The following FOXP1 variants were observed in gnomAD, a reference collection of about 807,000 sequenced individuals.
FOXP1 encodes forkhead box protein P1.
Under a neutral mutation model 98.2 loss-of-function variants are expected in FOXP1, and 15 were observed. The observed-to-expected ratio is 0.15, with a 90% confidence interval of 0.10 to 0.24. FOXP1 has a LOEUF of 0.24. FOXP1 is among the 10% of genes least tolerant of loss of function. The probability of loss-of-function intolerance (pLI) is 1.00; values close to 1 mark genes in which losing one functional copy is unlikely to be tolerated. For missense variants in FOXP1, 633 were observed against 848.5 expected (o/e 0.75, Z 3.15); for synonymous variants, 371 against 314.5 (o/e 1.18, Z -1.90).
chr3:70,966,931 A>G (rs1008510395), intron 19 of FOXP1, among the ~76,000 whole-genome samples: 9 of 152,228 alleles, frequency 5.9e-5, no homozygotes, highest in Admixed American at 3.3e-4. Context: ...CGCTAGTTAC[A>G]TATACCACTG....
intron 5 of FOXP1, among the ~76,000 whole-genome samples, chr3:71,244,518 A>T (rs565444531): frequency 6.6e-6 from 1 of 150,634 alleles, no homozygotes; most frequent in Non-Finnish European, 1.5e-5. Context: ...AAAAAAAAAT[A>T]GAAGAAGAAA....
chr3:71,240,550 AT>A (rs79848482), intron 5 of FOXP1, among the ~76,000 whole-genome samples: 2,117 of 151,130 alleles, frequency 0.014, 40 homozygotes, highest in African/African-American at 0.047. Flanking sequence ...GTGTTTTTTT[AT>A]TTTTTTTTTT....
intron 3 of FOXP1, among the ~76,000 whole-genome samples, chr3:71,389,622 G>A (rs937084696): frequency 6.6e-6 from 1 of 152,270 alleles, no homozygotes; most frequent in Non-Finnish European, 1.5e-5. Flanking sequence ...AAGAGAATAT[G>A]AGTAAATTAC....
chr3:71,004,530 A>C (rs1188506903), intron 12 of FOXP1, among the ~76,000 whole-genome samples: 3 of 152,176 alleles, frequency 2.0e-5, no homozygotes, highest in Non-Finnish European at 4.4e-5. Flanking sequence ...TGAAGTGCAC[A>C]GTTTTCATTA....
intron 4 of FOXP1, among the ~76,000 whole-genome samples, chr3:71,304,978 T>C (rs576568252): frequency 1.2e-4 from 19 of 152,254 alleles, no homozygotes; most frequent in Non-Finnish European, 2.6e-4. Flanking sequence ...ACAGGACATA[T>C]CTTCCTTGGA....
At chr3:71,317,938 C>A (rs913072254) in intron 4 of FOXP1, among the ~76,000 whole-genome samples, 3 of 151,148 alleles carry the variant, frequency 2.0e-5, no homozygotes, top group Non-Finnish European at 3.0e-5. Context: ...AGCTGCTGCT[C>A]CAAAACCACA....
At chr3:71,217,858 T>A (rs2065060752) in intron 5 of FOXP1, among the ~76,000 whole-genome samples, 1 of 152,132 alleles carries the variant, frequency 6.6e-6, no homozygotes. Flanking sequence ...CGAACACTCA[T>A]CTCTCCAAAC....
At chr3:71,348,422 A>C (rs2077507648) in intron 4 of FOXP1, among the ~76,000 whole-genome samples, 1 of 151,974 alleles carries the variant, frequency 6.6e-6, no homozygotes, top group South Asian at 2.1e-4. Context: ...TTGGAGTGGG[A>C]GGCTGTTGGT....
chr3:71,445,839 A>C (rs1223513032), intron 3 of FOXP1, among the ~76,000 whole-genome samples: 1 of 151,766 alleles, frequency 6.6e-6, no homozygotes, highest in Non-Finnish European at 1.5e-5. Flanking sequence ...CAGGCACGTG[A>C]CCCAACCCCA....
Position 71,192,977 on chromosome 3 carries a change from G to T in FOXP1, c.180+5225C>A, listed in dbSNP as rs183355393. ...CTTGTATATTTCTTTATGCTGAAAA[G>T]AAAAAAGTATTTCTACCCTCCTCCC... On this transcript the variant is annotated intron_variant, in intron 6 of 20. Coordinates refer to ENST00000649528, the MANE Select transcript of FOXP1 (RefSeq NM_001349338.3). Among the ~76,000 whole-genome samples the T allele has an allele frequency of 5.9e-5, 9 of 151,866 alleles. No individual in the cohort carries two copies. The East Asian group carries it at 1.7e-3, about 29-fold the overall frequency.
At chr3:71,279,327 T>G (rs2071266510) in intron 5 of FOXP1, among the ~76,000 whole-genome samples, 1 of 152,202 alleles carries the variant, frequency 6.6e-6, no homozygotes, top group Admixed American at 6.5e-5. Flanking sequence ...CCCAATCTGG[T>G]AATTTGCCCT....
intron 5 of FOXP1, among the ~76,000 whole-genome samples, chr3:71,207,310 T>C (rs966920825): frequency 4.0e-5 from 6 of 151,002 alleles, no homozygotes; most frequent in African/African-American, 1.2e-4. Flanking sequence ...GTTCATAACA[T>C]AGATTAATGA....
At chr3:71,356,020 TG>T (rs1366261913) in intron 4 of FOXP1, among the ~76,000 whole-genome samples, 3 of 151,954 alleles carry the variant, frequency 2.0e-5, no homozygotes, top group African/African-American at 7.3e-5. Context: ...CAAGAGGATC[TG>T]TGGGGGACTA....
At chr3:71,198,077 CAGAA>C (rs762590799) in intron 6 of FOXP1, 121 bp downstream of exon 6, 2 of 1,614,174 alleles carry the variant, frequency 1.2e-6, no homozygotes, top group Admixed American at 3.3e-5. Context: ...CACTGACAGA[CAGAA>C]AGACAGATGG....
intron 2 of FOXP1, among the ~76,000 whole-genome samples, chr3:71,530,848 G>A (rs2043784182): frequency 6.6e-6 from 1 of 152,096 alleles, no homozygotes; most frequent in Non-Finnish European, 1.5e-5. Context: ...TGTATGGAGG[G>A]GTCAATGAAA....
chr3:71,076,018 C>T (rs1039943135), intron 7 of FOXP1, among the ~76,000 whole-genome samples: 1 of 152,192 alleles, frequency 6.6e-6, no homozygotes, highest in Non-Finnish European at 1.5e-5. Context: ...TTGTGCCAGG[C>T]CCTGCTGGGA....
chr3:71,582,632 T>C (rs1426724900), intron 1 of FOXP1: 4 of 985,108 alleles, frequency 4.1e-6, no homozygotes, highest in Admixed American at 1.2e-4. Flanking sequence ...TCAGAAAATG[T>C]GTGTGATGGT....
intron 2 of FOXP1, among the ~76,000 whole-genome samples, chr3:71,566,680 T>G (rs188828009): frequency 6.6e-6 from 1 of 152,320 alleles, no homozygotes; most frequent in Non-Finnish European, 1.5e-5. Context: ...TTCCTTATTA[T>G]GTACCAGACC....
chr3:71,319,342 G>A (rs918261157), intron 4 of FOXP1, among the ~76,000 whole-genome samples: 5 of 152,206 alleles, frequency 3.3e-5, no homozygotes, highest in South Asian at 2.1e-4. Flanking sequence ...CGAGCCTGCT[G>A]TGTGCTTTCA....
Sources: allele counts gnomAD v4.1 joint callset (sites outside exome capture counted in the v4.1 genomes callset), GRCh38; gene constraint gnomAD v4.1.1; transcripts MANE v1.5; gene names NCBI Gene and HGNC (gene_info 2026-07-23, HGNC 2026-07-21).